AQP8: variants seen among roughly 807,000 people sequenced by gnomAD.
The protein encoded by AQP8 is aquaporin-8.
In AQP8, 14 loss-of-function variants were observed where a neutral mutation model predicts 26.1. The observed-to-expected ratio is 0.54, with a 90% CI of 0.35 to 0.84. The LOEUF (loss-of-function observed/expected upper bound fraction) is 0.84, where lower values mean the gene tolerates loss of function less well. Ranked by LOEUF, AQP8 falls within the 40% of genes least tolerant of loss-of-function variation. AQP8 has a pLI of 0.01. For synonymous variants in AQP8, 131 were observed against 150.7 expected (o/e 0.87, Z 0.96); for missense variants, 301 against 340.5 (o/e 0.88, Z 0.91).
chr16:25,222,408 T>C (rs1962575248), intron 3 of AQP8, among the ~76,000 whole-genome samples: 2 of 151,924 alleles, frequency 1.3e-5, no homozygotes, highest in South Asian at 4.2e-4. Flanking sequence ...GCTCTCGCTG[T>C]GTTGACCACA....
chr16:25,217,557 C>CG, intron 2 of AQP8, 112 bp downstream of exon 2: 1 of 1,435,658 alleles, frequency 7.0e-7, no homozygotes, highest in Non-Finnish European at 9.4e-7. Flanking sequence ...TTTCAAGGAG[C>CG]GCTCTGGATA....
At chr16:25,221,662 G>C (rs1962564756) in intron 3 of AQP8, 79 bp downstream of exon 3, 6 of 1,541,014 alleles carry the variant, frequency 3.9e-6, no homozygotes, top group Non-Finnish European at 5.3e-6. Context: ...GTGTGTGTGG[G>C]ACAGTGGGGA....
At chr16:25,217,856 C>T (rs1567342791) in intron 2 of AQP8, among the ~76,000 whole-genome samples, 1 of 151,988 alleles carries the variant, frequency 6.6e-6, no homozygotes, top group Non-Finnish European at 1.5e-5. Context: ...CCCAAAGTTC[C>T]CCGCCTATAA....
chr16:25,227,537 T>G (rs921302127), intron 5 of AQP8, among the ~76,000 whole-genome samples: 2 of 152,168 alleles, frequency 1.3e-5, no homozygotes, highest in Non-Finnish European at 2.9e-5. Flanking sequence ...TTGCCCAGGC[T>G]GGAGTGCAGT....
rs759145311 is a variant in AQP8 at position 25,224,437 on chromosome 16, G to C, written c.463G>C (p.Ala155Pro). 1.2e-6 allele frequency: 2 copies of C among 1,614,182 alleles called. No homozygotes were observed. The highest frequency in any genetic ancestry group is 3.3e-5 in the Admixed American group (2 of 60,016). Residue 155 changes from alanine (A) to proline (P), a missense_variant, in exon 4 of 6, where the codon GCA becomes CCA. Physicochemically the swap from Ala to Pro is conservative, Grantham distance 27. Transcript: ENST00000219660. ...GACAGTCCAGGAGCAGGGGCAGGTG[G>C]CAGGGGCGTTGGTGGCAGAGATCAT... The part of the protein sequence containing the change: ...FVTVQEQGQV[A>P]GALVAEIILT...
At position 25,224,575 on chromosome 16, in the gene AQP8, G is replaced by C; in HGVS notation, c.601G>C (p.Gly201Arg). Residue 201 changes from glycine (G) to arginine (R), a missense_variant and splice_region_variant, in exon 4 of 6, where the codon GGG (glycine) becomes CGG (arginine). Physicochemically the swap from Gly to Arg is moderately radical, Grantham distance 125. Transcript: ENST00000219660. The stretch of plus-strand genomic sequence containing the variant: ...TGCCGTCACCGTGGATATCCTGGCT[G>C]GGTGAGTGTCCCTTGGCAGTGGGGT... Reference protein sequence around the residue: ...GFAVTVDILAGGPVSGGCMNP... With the variant: ...GFAVTVDILARGPVSGGCMNP... 6.2e-7 allele frequency: 1 copy of C among 1,609,682 alleles called. No individual in the cohort carries two copies. Among genetic ancestry groups the C allele is most frequent in the Non-Finnish European group, 8.5e-7 (1 of 1,179,802 alleles).
chr16:25,221,924 T>G (rs1317878270), intron 3 of AQP8, among the ~76,000 whole-genome samples: 1 of 150,546 alleles, frequency 6.6e-6, no homozygotes, highest in Non-Finnish European at 1.5e-5. Context: ...CATGCCACCA[T>G]GCCCAGCTAA....
At chr16:25,222,307 T>G (rs1962573604) in intron 3 of AQP8, among the ~76,000 whole-genome samples, 1 of 152,184 alleles carries the variant, frequency 6.6e-6, no homozygotes, top group South Asian at 2.1e-4. Flanking sequence ...TATTGTCCTA[T>G]GACCCTGCCA....
At chr16:25,222,682 G>C (rs1022763789) in intron 3 of AQP8, among the ~76,000 whole-genome samples, 1 of 151,932 alleles carries the variant, frequency 6.6e-6, no homozygotes, top group African/African-American at 2.4e-5. Context: ...TGTGTGTGGG[G>C]GGTGGTGGAT....
intron 2 of AQP8, 100 bp downstream of exon 2, chr16:25,217,545 G>C: frequency 2.7e-6 from 4 of 1,494,948 alleles, no homozygotes; most frequent in Non-Finnish European, 3.6e-6. Flanking sequence ...ACGTATTCGG[G>C]ATTTCAAGGA....
rs766896682 is a variant in AQP8 at position 25,228,424 on chromosome 16, C to T, written c.738-20C>T. 2 of 1,613,790 alleles carry T rather than the reference C, an allele frequency of 1.2e-6. No individual in the cohort carries two copies. Among genetic ancestry groups the T allele is most frequent in the Admixed American group, 1.7e-5 (1 of 60,004 alleles). On this transcript the variant is annotated intron_variant, in intron 5 of 5. Coordinates refer to ENST00000219660, the MANE Select transcript of AQP8 (RefSeq NM_001169.3). ...TCTCACCTCCGGGGCAGAGACCTTACTGGGTCATCTTTCTTGCAGGTGCTT... is the reference window on the plus strand; with the variant it reads ...TCTCACCTCCGGGGCAGAGACCTTATTGGGTCATCTTTCTTGCAGGTGCTT...
Position 25,227,100 on chromosome 16 carries a change from C to A in AQP8, c.635C>A (p.Ala212Asp), listed in dbSNP as rs747355466. The A allele has an allele frequency of 6.2e-7, 1 of 1,614,148 alleles. No individual in the cohort carries two copies. The highest frequency in any genetic ancestry group is 1.1e-5 in the South Asian group (1 of 91,078). The change falls in exon 5 of 6, where the codon GCC (alanine) becomes GAC (aspartate). Residue 212 changes from alanine to aspartate, a missense_variant. By Grantham distance (126) the Ala-to-Asp change is moderately radical. Transcript: ENST00000219660. The stretch of plus-strand genomic sequence containing the variant: ...GTGTCTGGAGGCTGCATGAATCCCG[C>A]CCGTGCTTTTGGACCTGCGGTGGTG... Reference protein sequence around the residue: ...GPVSGGCMNPARAFGPAVVAN... With the variant: ...GPVSGGCMNPDRAFGPAVVAN...
rs148689630 is a variant in AQP8, at chr16:25,221,502, C to G, written c.306C>G (p.Ile102Met). The G allele has an allele frequency of 1.9e-6, 3 of 1,613,958 alleles. No individual in the cohort carries two copies. The highest frequency in any genetic ancestry group is 2.5e-6 in the Non-Finnish European group (3 of 1,180,014). ...CGGTGTCCCTGGCAGCCATGCTGAT[C>G]GGAGGCCTCAACCTGGTGATGCTCC... ...NPAVSLAAML[I>M]GGLNLVMLLP... is the part of the protein sequence containing the mutation. Residue 102 changes from isoleucine (I) to methionine (M), a missense_variant, in exon 3 of 6, where the codon ATC (isoleucine) becomes ATG (methionine). Ile to Met is a conservative substitution (Grantham distance 10, BLOSUM62 1). Coordinates refer to ENST00000219660, the MANE Select transcript of AQP8 (RefSeq NM_001169.3).
chr16:25,225,105 T>C (rs1321669214), intron 4 of AQP8, among the ~76,000 whole-genome samples: 1 of 152,162 alleles, frequency 6.6e-6, no homozygotes, highest in African/African-American at 2.4e-5. Context: ...CAGTGGGCAG[T>C]GGCAAATTAA....
At chr16:25,221,654 G>A (rs770693661) in intron 3 of AQP8, 71 bp downstream of exon 3, 1 of 1,589,884 alleles carries the variant, frequency 6.3e-7, no homozygotes. Context: ...ATGTGGGTGT[G>A]TGTGTGGGAC....
intron 5 of AQP8, 57 bp from the exon 6 acceptor site, chr16:25,228,387 C>A: frequency 6.4e-7 from 1 of 1,569,742 alleles, no homozygotes; most frequent in Middle Eastern, 1.7e-4. Flanking sequence ...GGAGACATGA[C>A]GAAGGGCTGG....
At chr16:25,220,824 G>T (rs1962552157) in intron 2 of AQP8, among the ~76,000 whole-genome samples, 1 of 152,320 alleles carries the variant, frequency 6.6e-6, no homozygotes, top group Admixed American at 6.5e-5. Flanking sequence ...GCCGACGTGG[G>T]TGGATCGCTT....
Position 25,221,572 on chromosome 16 carries a change from G to T in AQP8, c.376G>T (p.Ala126Ser). Residue 126 changes from alanine to serine, a missense_variant, in exon 3 of 6, where the codon GCC becomes TCC. Transcript: ENST00000219660. ...SQLLGGMLGA[A>S]LAKAVSPEER... ...GCTGCTCGGGGGGATGCTCGGGGCT[G>T]CCTTGGCCAAGGTGGGTAAACCCCA... is the stretch of plus-strand genomic sequence containing the variant. 1 of 1,613,964 alleles carries T rather than the reference G, an allele frequency of 6.2e-7. No homozygotes were observed. The highest frequency in any genetic ancestry group is 8.5e-7 in the Non-Finnish European group (1 of 1,179,960).
rs141719611 is a variant in AQP8, at chr16:25,227,285, G to A, written c.737+83G>A. On this transcript the variant is annotated intron_variant, in intron 5 of 5. Transcript: ENST00000219660. ...AGAGAGTCCGGGACTAGAGGGCTAG[G>A]CTCTCACTTGGGTTTGGAAGAGAAA... The A allele has an allele frequency of 1.6e-3, 2,545 of 1,568,564 alleles. 37 individuals are homozygous for A. The African/African-American group carries it at 0.031, about 19-fold the overall frequency.
Sources: allele counts gnomAD v4.1 joint callset (sites outside exome capture counted in the v4.1 genomes callset), GRCh38; gene constraint gnomAD v4.1.1; transcripts MANE v1.5; gene names NCBI Gene and HGNC (gene_info 2026-07-23, HGNC 2026-07-21).